Variants in KCNQ1OT1 observed in about 807,000 individuals in gnomAD.
The protein encoded by KCNQ1OT1 is KCNQ1 antisense RNA 2 (non-protein coding).
In KCNQ1OT1 at chr11:2,676,441, T is replaced by C. The variant is rs1261103796; in HGVS notation, n.23554A>G. ...GGCTGGGCTTTTCCCAGATAGGACA[T>C]GCTCACTGTTCTGCTCAGATTGTTA... On this transcript the variant is annotated non_coding_transcript_exon_variant, in exon 1 of 1. Transcript: ENST00000597346. The surrounding 1 kb of genome is among the most constrained non-coding windows in gnomAD (Gnocchi z 4.2). The C allele has an allele frequency of 5.0e-6, 2 of 398,670 alleles. No homozygotes were observed. Among genetic ancestry groups the C allele is most frequent in the Non-Finnish European group, 8.8e-6 (2 of 226,082 alleles). The allele number at this position is 398,670 out of a possible 1,614,324, so 24.7% of individuals were successfully genotyped here.
In KCNQ1OT1 at chr11:2,698,090, A is replaced by T. The variant is rs939007316; in HGVS notation, n.1905T>A. On this transcript the variant is annotated non_coding_transcript_exon_variant, in exon 1 of 1. Coordinates refer to ENST00000597346, the Ensembl canonical transcript of KCNQ1OT1. The surrounding 1 kb of genome is among the most constrained non-coding windows in gnomAD (Gnocchi z 5.1). ...CCTGCTTTCCTTCAAGTACTGACTG[A>T]GTAAGGCTGTGTATCAGGCTCTTGG... 4 of 398,540 alleles carry T rather than the reference A, an allele frequency of 1.0e-5. No individual in the cohort carries two copies. Among genetic ancestry groups the T allele is most frequent in the African/African-American group, 8.2e-5 (4 of 48,642 alleles). 24.7% of individuals were successfully genotyped at this position (398,540 alleles called of 1,614,324 possible). A position where few individuals can be genotyped will look rare whatever the true frequency, so the allele number is the denominator to read the frequency against.
Position 2,652,788 on chromosome 11 carries a change from A to G in KCNQ1OT1, n.47207T>C. 2.5e-6 allele frequency: 1 copy of G among 399,078 alleles called. No individual in the cohort carries two copies. The highest frequency in any genetic ancestry group is 4.4e-6 in the Non-Finnish European group (1 of 226,476). 24.7% of individuals were successfully genotyped at this position (399,078 alleles called of 1,614,324 possible). A position where few individuals can be genotyped will look rare whatever the true frequency, so the allele number is the denominator to read the frequency against. ...GTCTTCCTCAGCGCCCCCGCTACTC[A>G]GACCCCACCCTTGGGCCTGCAGAGA... is the stretch of plus-strand genomic sequence containing the variant. On this transcript the variant is annotated non_coding_transcript_exon_variant, in exon 1 of 1. Coordinates refer to ENST00000597346, the Ensembl canonical transcript of KCNQ1OT1. The surrounding 1 kb of genome is among the most constrained non-coding windows in gnomAD (Gnocchi z 5.9).
exon 1 of KCNQ1OT1, chr11:2,660,423 A>G (rs1849931274): frequency 2.5e-6 from 1 of 398,622 alleles, no homozygotes; most frequent in Non-Finnish European, 4.4e-6. Flanking sequence ...CACTTTAAAA[A>G]CATAAAACAT....
chr11:2,610,652 G>T, exon 1 of KCNQ1OT1: 1 of 395,912 alleles, frequency 2.5e-6, no homozygotes, highest in Non-Finnish European at 4.4e-6. Context: ...TTGTTTATCT[G>T]GGAATGCTTT....
exon 1 of KCNQ1OT1, chr11:2,629,887 C>G (rs1344345488): frequency 2.5e-6 from 1 of 398,144 alleles, no homozygotes; most frequent in Non-Finnish European, 4.4e-6. Context: ...ATTTTACTTC[C>G]TTCTTTCTGA....
At position 2,659,885 on chromosome 11, in the gene KCNQ1OT1, G is replaced by A. The variant is rs1590012990; in HGVS notation, n.40110C>T. On this transcript the variant is annotated non_coding_transcript_exon_variant, in exon 1 of 1. Transcript: ENST00000597346. The surrounding 1 kb of genome is among the most constrained non-coding windows in gnomAD (Gnocchi z 4.3). The stretch of plus-strand genomic sequence containing the variant: ...TTATTTATAATCCATTTTTAAAATT[G>A]GATTGTTCACTTTATTGTCAAGTTG... 1 of 398,128 alleles carries A rather than the reference G, an allele frequency of 2.5e-6. No individual in the cohort carries two copies. Among genetic ancestry groups the A allele is most frequent in the Non-Finnish European group, 4.4e-6 (1 of 225,904 alleles). The allele number at this position is 398,128 out of a possible 1,614,324, so 24.7% of individuals were successfully genotyped here.
exon 1 of KCNQ1OT1, chr11:2,629,044 T>C: frequency 2.5e-6 from 1 of 398,340 alleles, no homozygotes; most frequent in Middle Eastern, 6.3e-4. Context: ...ACTTTGTTCT[T>C]ATTGCTCAAG....
exon 1 of KCNQ1OT1, chr11:2,656,931 T>C: frequency 2.5e-6 from 1 of 398,618 alleles, no homozygotes; most frequent in Non-Finnish European, 4.4e-6. Flanking sequence ...CAACTTAATG[T>C]TTTTCCAGTG....
At position 2,651,756 on chromosome 11, in the gene KCNQ1OT1, T is replaced by C. The variant is rs1413517410; in HGVS notation, n.48239A>G. The C allele has an allele frequency of 2.5e-6, 1 of 398,526 alleles. No individual in the cohort carries two copies. Among genetic ancestry groups the C allele is most frequent in the African/African-American group, 2.1e-5 (1 of 48,616 alleles). The allele number at this position is 398,526 out of a possible 1,614,324, so 24.7% of individuals were successfully genotyped here. A position where few individuals can be genotyped will look rare whatever the true frequency, so the allele number is the denominator to read the frequency against. ...ATACGTTTTCTCTGATTACTGGAAATTCCTCAAGTGTTGACCATTTTGATT... is the reference window on the plus strand; with the variant it reads ...ATACGTTTTCTCTGATTACTGGAAACTCCTCAAGTGTTGACCATTTTGATT... On this transcript the variant is annotated non_coding_transcript_exon_variant, in exon 1 of 1. Coordinates refer to ENST00000597346, the Ensembl canonical transcript of KCNQ1OT1. This position sits in a 1 kb window ranked among gnomAD's most constrained non-coding sequence, Gnocchi z 6.1.
chr11:2,697,254 G>A (rs895412422), exon 1 of KCNQ1OT1: 3 of 398,474 alleles, frequency 7.5e-6, no homozygotes, highest in Non-Finnish European at 1.3e-5. Flanking sequence ...GCCCTTTGGG[G>A]GTTTCAATAA....
chr11:2,630,748 A>C (rs1849339468), exon 1 of KCNQ1OT1: 4 of 398,456 alleles, frequency 1.0e-5, no homozygotes, highest in African/African-American at 8.2e-5. Flanking sequence ...TCCCTCTGGC[A>C]TATCTTGTAA....
chr11:2,632,778 A>G (rs1849382053), exon 1 of KCNQ1OT1: 4 of 398,322 alleles, frequency 1.0e-5, no homozygotes, highest in Admixed American at 8.8e-5. Flanking sequence ...ACTGAATAAT[A>G]TTCCATTGTG....
rs1201770663 is a variant in KCNQ1OT1, at chr11:2,677,748, A to G, written n.22247T>C. ...TTGTAAAATTTTGGTCTCCGTTTTCAGTGGATTTACTTTAAGAGATCCTCC... is the reference window on the plus strand; with the variant it reads ...TTGTAAAATTTTGGTCTCCGTTTTCGGTGGATTTACTTTAAGAGATCCTCC... On this transcript the variant is annotated non_coding_transcript_exon_variant, in exon 1 of 1. Coordinates refer to ENST00000597346, the Ensembl canonical transcript of KCNQ1OT1. The surrounding 1 kb of genome is among the most constrained non-coding windows in gnomAD (Gnocchi z 4.5). 5.0e-6 allele frequency: 2 copies of G among 398,424 alleles called. No homozygotes were observed. The highest frequency in any genetic ancestry group is 6.2e-4 in the Middle Eastern group (1 of 1,608). 24.7% of individuals were successfully genotyped at this position (398,424 alleles called of 1,614,324 possible). A position where few individuals can be genotyped will look rare whatever the true frequency, so the allele number is the denominator to read the frequency against.
In KCNQ1OT1 at chr11:2,623,711, A is replaced by G; in HGVS notation, n.76284T>C. Reference sequence around the variant, plus strand: ...GGTTGCTTCCAATTTCAACAATCACAAATAAAGCTTCTGTAAACATCTCTG... The same window carrying G: ...GGTTGCTTCCAATTTCAACAATCACGAATAAAGCTTCTGTAAACATCTCTG... On this transcript the variant is annotated non_coding_transcript_exon_variant, in exon 1 of 1. Coordinates refer to ENST00000597346, the Ensembl canonical transcript of KCNQ1OT1. This position sits in a 1 kb window ranked among gnomAD's most constrained non-coding sequence, Gnocchi z 5.2. 2.5e-6 allele frequency: 1 copy of G among 398,568 alleles called. No individual in the cohort carries two copies. The highest frequency in any genetic ancestry group is 4.4e-6 in the Non-Finnish European group (1 of 226,036). 24.7% of individuals were successfully genotyped at this position (398,568 alleles called of 1,614,324 possible).
In KCNQ1OT1 at chr11:2,611,580, C is replaced by A; in HGVS notation, n.88415G>T. 1 of 398,562 alleles carries A rather than the reference C, an allele frequency of 2.5e-6. No homozygotes were observed. Among genetic ancestry groups the A allele is most frequent in the South Asian group, 1.3e-4 (1 of 7,806 alleles). The allele number at this position is 398,562 out of a possible 1,614,324, so 24.7% of individuals were successfully genotyped here. ...CTGTTTGCATGTCATCTTTTTCCAT[C>A]ATTTTACTTTCAACTATGTCTTTGA... On this transcript the variant is annotated non_coding_transcript_exon_variant, in exon 1 of 1. Transcript: ENST00000597346. The surrounding 1 kb of genome is among the most constrained non-coding windows in gnomAD (Gnocchi z 5.3).
Position 2,642,927 on chromosome 11 carries a change from C to A in KCNQ1OT1, n.57068G>T. 5.0e-6 allele frequency: 2 copies of A among 397,912 alleles called. No individual in the cohort carries two copies. Among genetic ancestry groups the A allele is most frequent in the South Asian group, 2.6e-4 (2 of 7,826 alleles). The allele number at this position is 397,912 out of a possible 1,614,324, so 24.6% of individuals were successfully genotyped here. On this transcript the variant is annotated non_coding_transcript_exon_variant, in exon 1 of 1. Coordinates refer to ENST00000597346, the Ensembl canonical transcript of KCNQ1OT1. This position sits in a 1 kb window ranked among gnomAD's most constrained non-coding sequence, Gnocchi z 4.3. ...TTAATTTCTTCTTTGACCCATTGGT[C>A]ATTCAGGAACATGTTAATTTCCATT... is the stretch of plus-strand genomic sequence containing the variant.
At chr11:2,644,886 C>T in exon 1 of KCNQ1OT1, 1 of 398,824 alleles carries the variant, frequency 2.5e-6, no homozygotes, top group Non-Finnish European at 4.4e-6. Flanking sequence ...GTGGTAAAGT[C>T]TGGCTGGGGA....
chr11:2,672,179 T>A (rs1850195579), exon 1 of KCNQ1OT1: 2 of 398,578 alleles, frequency 5.0e-6, no homozygotes, highest in African/African-American at 2.1e-5. Flanking sequence ...GTGTTTTCTT[T>A]AGGTTCATGT....
In KCNQ1OT1 at chr11:2,687,849, T is replaced by G. The variant is rs986367485; in HGVS notation, n.12146A>C. On this transcript the variant is annotated non_coding_transcript_exon_variant, in exon 1 of 1. Transcript: ENST00000597346. This position sits in a 1 kb window ranked among gnomAD's most constrained non-coding sequence, Gnocchi z 5.0. Reference sequence around the variant, plus strand: ...TGGCTCCAGGCCAAACTCTGGTTCCTGAGGAGCCTCAAAGGCTGGACTTGG... The same window carrying G: ...TGGCTCCAGGCCAAACTCTGGTTCCGGAGGAGCCTCAAAGGCTGGACTTGG... 74 of 398,652 alleles carry G rather than the reference T, an allele frequency of 1.9e-4. No individual in the cohort carries two copies. The highest frequency in any genetic ancestry group is 1.8e-4 in the Non-Finnish European group (41 of 226,170). 24.7% of individuals were successfully genotyped at this position (398,652 alleles called of 1,614,324 possible). A position where few individuals can be genotyped will look rare whatever the true frequency, so the allele number is the denominator to read the frequency against.
Sources: allele counts gnomAD v4.1 joint callset, GRCh38; gene constraint gnomAD v4.1.1; non-coding constraint Gnocchi (gnomAD v3.1); transcripts MANE v1.5; gene names NCBI Gene and HGNC (gene_info 2026-07-23, HGNC 2026-07-21).